KDM2A: variants seen among roughly 807,000 people sequenced by gnomAD.
KDM2A encodes lysine demethylase 2A, also known as lysine-specific demethylase 2A.
KDM2A carries 3 observed loss-of-function variants against 137.3 expected under a neutral mutation model. That is an observed-to-expected ratio of 0.02 (90% CI 0.01 to 0.06). The LOEUF (loss-of-function observed/expected upper bound fraction) is 0.06, where lower values mean the gene tolerates loss of function less well. Among genes scored for constraint, KDM2A ranks in the 10% least tolerant of loss-of-function variants. KDM2A has a pLI of 1.00. For synonymous variants in KDM2A, 512 were observed against 541.5 expected (o/e 0.95, Z 0.76); for missense variants, 738 against 1,510.6 (o/e 0.49, Z 8.48).
At chr11:67,223,987 C>A (rs1272100620) in intron 10 of KDM2A, among the ~76,000 whole-genome samples, 2 of 152,206 alleles carry the variant, frequency 1.3e-5, no homozygotes, top group African/African-American at 2.4e-5. Context: ...GTTTTAGCCA[C>A]ATAAGAAACC....
At chr11:67,234,202 G>A (rs942353453) in intron 12 of KDM2A, among the ~76,000 whole-genome samples, 1 of 152,220 alleles carries the variant, frequency 6.6e-6, no homozygotes, top group African/African-American at 2.4e-5. Flanking sequence ...GAGAATCTAA[G>A]CATCACTCAA....
chr11:67,179,986 G>A (rs1399117148), intron 2 of KDM2A, 93 bp from the exon 3 acceptor site: 1 of 1,273,726 alleles, frequency 7.9e-7, no homozygotes, highest in East Asian at 2.4e-5. Flanking sequence ...GAGTTTGAAA[G>A]TAGCACTTTG....
intron 2 of KDM2A, among the ~76,000 whole-genome samples, chr11:67,145,600 C>G (rs1157839562): frequency 6.6e-6 from 1 of 151,956 alleles, no homozygotes; most frequent in Non-Finnish European, 1.5e-5. Flanking sequence ...ATTACTTACC[C>G]TAACGTTATA....
chr11:67,237,559 A>G (rs1033431114), intron 12 of KDM2A, among the ~76,000 whole-genome samples: 1 of 151,956 alleles, frequency 6.6e-6, no homozygotes, highest in Non-Finnish European at 1.5e-5. Flanking sequence ...CGACCTCCCA[A>G]GTGCTAGGAT....
Position 67,245,413 on chromosome 11 carries a change from G to C in KDM2A, c.1788G>C (p.Gly596=), listed in dbSNP as rs200250329. 57 of 1,613,954 alleles carry C rather than the reference G, an allele frequency of 3.5e-5. No individual in the cohort carries two copies. The African/African-American group carries it at 7.2e-4, about 20-fold the overall frequency. Residue 596 remains glycine, a synonymous_variant, in exon 14 of 21, where the codon GGG becomes GGC. Transcript: ENST00000529006. This position sits in a 1 kb window ranked among gnomAD's most constrained non-coding sequence, Gnocchi z 4.1. ...GCAGAGACATGAAGAAGTTTGGGGGGCCTGGACGCATGAAGCAGTCCTGTG... is the reference window on the plus strand; with the variant it reads ...GCAGAGACATGAAGAAGTTTGGGGGCCCTGGACGCATGAAGCAGTCCTGTG... The part of the protein sequence containing the change: ...HYCRDMKKFG[G]PGRMKQSCVL...
chr11:67,125,136 C>T (rs1855690149), intron 2 of KDM2A, among the ~76,000 whole-genome samples: 1 of 151,450 alleles, frequency 6.6e-6, no homozygotes, highest in Non-Finnish European at 1.5e-5. Context: ...GCTGGGATTA[C>T]AGGCTTGAGC....
Position 67,245,584 on chromosome 11 carries a change from CT to C in KDM2A, c.1833+129del. 9.3e-7 allele frequency: 1 copy of C among 1,075,796 alleles called. No individual in the cohort carries two copies. Among genetic ancestry groups the C allele is most frequent in the South Asian group, 1.7e-5 (1 of 59,614 alleles). The allele number at this position is 1,075,796 out of a possible 1,614,324, so 66.6% of individuals were successfully genotyped here. On this transcript the variant is annotated intron_variant, in intron 14 of 20. Transcript: ENST00000529006. The surrounding 1 kb of genome is among the most constrained non-coding windows in gnomAD (Gnocchi z 4.1). ...GAAAAGGTTTATACTCTCTTTTTGG[CT>C]TTATTTTGTACCTTTTTTCCCCAGG...
chr11:67,222,957 G>A (rs1001146178), intron 10 of KDM2A, among the ~76,000 whole-genome samples: 1 of 151,640 alleles, frequency 6.6e-6, no homozygotes, highest in Non-Finnish European at 1.5e-5. Flanking sequence ...ACTTTGGGAG[G>A]CTAGGCAGGC....
chr11:67,161,694 G>A (rs1045113143), intron 2 of KDM2A, among the ~76,000 whole-genome samples: 33 of 152,010 alleles, frequency 2.2e-4, no homozygotes, highest in African/African-American at 8.0e-4. Context: ...TGTGGTCTGG[G>A]GATATACACA....
chr11:67,167,879 A>G (rs975717884), intron 2 of KDM2A, among the ~76,000 whole-genome samples: 2 of 152,174 alleles, frequency 1.3e-5, no homozygotes, highest in Non-Finnish European at 2.9e-5. Context: ...TCTTTGTAAT[A>G]TATATGGCAG....
At chr11:67,240,188 G>A (rs1446903064) in intron 12 of KDM2A, 1 of 1,530,236 alleles carries the variant, frequency 6.5e-7, no homozygotes, top group Admixed American at 2.0e-5. Context: ...TGAAGGGTCA[G>A]AGCTGGACTG....
intron 2 of KDM2A, among the ~76,000 whole-genome samples, chr11:67,138,486 A>G (rs1456191598): frequency 6.6e-6 from 1 of 152,190 alleles, no homozygotes; most frequent in Admixed American, 6.5e-5. Context: ...ACTAGTTAGA[A>G]AGGGAATTCT....
intron 2 of KDM2A, among the ~76,000 whole-genome samples, chr11:67,153,205 G>A (rs570965453): frequency 6.6e-6 from 1 of 152,100 alleles, no homozygotes; most frequent in African/African-American, 2.4e-5. Flanking sequence ...GGCTGGTCTC[G>A]AATTCCTGAC....
At chr11:67,140,354 A>G (rs1048543546) in intron 2 of KDM2A, among the ~76,000 whole-genome samples, 9 of 151,824 alleles carry the variant, frequency 5.9e-5, no homozygotes, top group Non-Finnish European at 8.8e-5. Flanking sequence ...TGACAGAGTG[A>G]GATCTTGTCT....
chr11:67,194,139 C>G (rs1857424982), intron 5 of KDM2A, among the ~76,000 whole-genome samples: 1 of 152,226 alleles, frequency 6.6e-6, no homozygotes, highest in South Asian at 2.1e-4. Flanking sequence ...TGACTTTAAT[C>G]CTTTTGTTTC....
intron 6 of KDM2A, among the ~76,000 whole-genome samples, chr11:67,208,236 T>TA (rs1353493586): frequency 6.3e-4 from 95 of 151,168 alleles, no homozygotes; most frequent in African/African-American, 2.2e-3. Flanking sequence ...TTATTATTAT[T>TA]AAAAAAATTT....
chr11:67,214,129 C>A (rs541435585), intron 6 of KDM2A, among the ~76,000 whole-genome samples: 27 of 151,946 alleles, frequency 1.8e-4, no homozygotes, highest in Non-Finnish European at 3.2e-4. Flanking sequence ...GAACCTCCAC[C>A]TCCTGGGTTC....
intron 2 of KDM2A, among the ~76,000 whole-genome samples, chr11:67,177,224 C>T (rs1471398200): frequency 6.6e-6 from 1 of 152,100 alleles, no homozygotes; most frequent in African/African-American, 2.4e-5. Context: ...CGAGATCACT[C>T]CATTGCACTC....
At chr11:67,229,285 T>C (rs2136421949) in intron 11 of KDM2A, among the ~76,000 whole-genome samples, 1 of 152,348 alleles carries the variant, frequency 6.6e-6, no homozygotes, top group African/African-American at 2.4e-5. Context: ...CTGACCAGCT[T>C]GGTTCAGCTT....
Sources: gnomAD v4.1 joint callset for allele counts (sites outside exome capture counted in the v4.1 genomes callset) on GRCh38, gnomAD v4.1.1 for gene constraint, Gnocchi (gnomAD v3.1) non-coding constraint, MANE v1.5 for transcripts, NCBI Gene and HGNC (gene_info 2026-07-23, HGNC 2026-07-21) for gene names.